The following SLC39A9 variants were observed in gnomAD, a reference collection of about 807,000 sequenced individuals.
SLC39A9 encodes the protein solute carrier family 39 member 9.
Under a neutral mutation model 28.4 loss-of-function variants are expected in SLC39A9, and 14 were observed. That is an observed-to-expected ratio of 0.49 (90% CI 0.33 to 0.77). The LOEUF is 0.77. Ranked by LOEUF, SLC39A9 falls within the 30% of genes least tolerant of loss-of-function variation. The probability of loss-of-function intolerance (pLI) is 0.02; values close to 1 mark genes in which losing one functional copy is unlikely to be tolerated. For missense variants in SLC39A9, 283 were observed against 381.1 expected (o/e 0.74, Z 2.14); for synonymous variants, 119 against 149.6 (o/e 0.80, Z 1.49).
rs2139469242 is a variant in SLC39A9 at position 69,461,877 on chromosome 14, G to A, written c.*3284G>A. 3 of 807,100 alleles carry A rather than the reference G, an allele frequency of 3.7e-6. No individual in the cohort carries two copies. The East Asian group carries it at 8.1e-5, about 22-fold the overall frequency. The allele number at this position is 807,100 out of a possible 1,614,324, so 50.0% of individuals were successfully genotyped here. A position where few individuals can be genotyped will look rare whatever the true frequency, so the allele number is the denominator to read the frequency against. On this transcript the variant is annotated 3_prime_UTR_variant, in exon 7 of 7. Coordinates refer to ENST00000336643, the MANE Select transcript of SLC39A9 (RefSeq NM_018375.5). The stretch of plus-strand genomic sequence containing the variant: ...ATCATGACCAGATTCATCCAGAACT[G>A]CTGCAGTGTTAAGTGAAAATCCTCT...
rs1288034790 is a variant in SLC39A9 at position 69,459,280 on chromosome 14, G to A, written c.*687G>A. Reference sequence around the variant, plus strand: ...CCAGCCTGCCATTCCATCAAATGGAGCAGGAGAGGTGGGAGGAGCTTCTAA... The same window carrying A: ...CCAGCCTGCCATTCCATCAAATGGAACAGGAGAGGTGGGAGGAGCTTCTAA... On this transcript the variant is annotated 3_prime_UTR_variant, in exon 7 of 7. Transcript: ENST00000336643. The A allele has an allele frequency of 6.1e-6, 6 of 985,354 alleles. No homozygotes were observed. In the Admixed American group the frequency reaches 1.8e-4, roughly 30 times the overall value. The allele number at this position is 985,354 out of a possible 1,614,324, so 61.0% of individuals were successfully genotyped here. A position where few individuals can be genotyped will look rare whatever the true frequency, so the allele number is the denominator to read the frequency against.
intron 2 of SLC39A9, among the ~76,000 whole-genome samples, chr14:69,433,965 A>C (rs760988024): frequency 1.3e-5 from 2 of 151,958 alleles, no homozygotes; most frequent in Non-Finnish European, 2.9e-5. Context: ...TTGTATTTTT[A>C]GTAGAGACGG....
chr14:69,445,440 A>G (rs564891499), intron 3 of SLC39A9, among the ~76,000 whole-genome samples: 1 of 152,338 alleles, frequency 6.6e-6, no homozygotes, highest in Non-Finnish European at 1.5e-5. Flanking sequence ...TACCTAGCTT[A>G]CTTTTTTGTA....
At chr14:69,440,080 G>A (rs1208354909) in intron 2 of SLC39A9, among the ~76,000 whole-genome samples, 2 of 152,112 alleles carry the variant, frequency 1.3e-5, no homozygotes, top group Admixed American at 6.5e-5. Flanking sequence ...ACAAGGCCGC[G>A]GGAAGGAGAA....
chr14:69,447,261 C>T (rs1252461304), intron 3 of SLC39A9, among the ~76,000 whole-genome samples: 2 of 152,152 alleles, frequency 1.3e-5, no homozygotes, highest in African/African-American at 4.8e-5. Context: ...GATCAGCCTC[C>T]TTACAGGTAA....
At chr14:69,434,532 TGAAAAATTAGGTGGGCGCAGTGACTACA>T (rs1314228112) in intron 2 of SLC39A9, among the ~76,000 whole-genome samples, 3 of 152,078 alleles carry the variant, frequency 2.0e-5, no homozygotes, top group Admixed American at 6.5e-5. Flanking sequence ...CAAAAAAATT[TGAAAAATTAGGTGGGCGCAGTGACTACA>T]GAAAAATTAG....
chr14:69,459,338 C>G lies in SLC39A9; in HGVS notation c.*745C>G. The G allele has an allele frequency of 2.6e-5, 26 of 985,434 alleles. No homozygotes were observed. Among genetic ancestry groups the G allele is most frequent in the Non-Finnish European group, 3.0e-5 (25 of 829,934 alleles). 61.0% of individuals were successfully genotyped at this position (985,434 alleles called of 1,614,324 possible). A position where few individuals can be genotyped will look rare whatever the true frequency, so the allele number is the denominator to read the frequency against. On this transcript the variant is annotated 3_prime_UTR_variant, in exon 7 of 7. Coordinates refer to ENST00000336643, the MANE Select transcript of SLC39A9 (RefSeq NM_018375.5). ...ACTGGTATTTTGTAGCATTCCTTGT[C>G]AAGTTCTCCTTTGCAGAATACCTGT...
intron 2 of SLC39A9, among the ~76,000 whole-genome samples, chr14:69,429,707 G>A (rs1884392120): frequency 6.6e-6 from 1 of 152,176 alleles, no homozygotes; most frequent in African/African-American, 2.4e-5. Flanking sequence ...ATCAGAGCAA[G>A]ACAAAAGAAT....
intron 1 of SLC39A9, among the ~76,000 whole-genome samples, chr14:69,412,340 G>A (rs1283572765): frequency 6.6e-6 from 1 of 151,476 alleles, no homozygotes. Flanking sequence ...AGTGAGCCAA[G>A]ATCACGCCAC....
upstream of SLC39A9, chr14:69,398,473 T>G: frequency 3.3e-6 from 2 of 599,914 alleles, no homozygotes; most frequent in Non-Finnish European, 5.9e-6. Context: ...TTCCAAGCTT[T>G]AGGAAGAATT....
rs1355702990 is a variant in SLC39A9 at position 69,399,158 on chromosome 14, C to T, written c.-212C>T. 1.6e-5 allele frequency: 9 copies of T among 547,294 alleles called. No individual in the cohort carries two copies. Among genetic ancestry groups the T allele is most frequent in the Admixed American group, 7.5e-5 (2 of 26,738 alleles). 33.9% of individuals were successfully genotyped at this position (547,294 alleles called of 1,614,324 possible). ...GCCTGGGACCTTAGATTGCTGTAAG[C>T]TTTCTCTGGTGCTAATATCAGCAAA... On this transcript the variant is annotated 5_prime_UTR_variant, in exon 1 of 7. Coordinates refer to ENST00000336643, the MANE Select transcript of SLC39A9 (RefSeq NM_018375.5).
In SLC39A9 at chr14:69,421,978, C is replaced by T. The variant is rs184939552; in HGVS notation, c.97-2116C>T. ...CGCTTCCCTGGGTGAGGTGTCACCC[C>T]GCCCTGCTTCAGCTCACCCTCCCTG... On this transcript the variant is annotated intron_variant, in intron 1 of 6. Coordinates refer to ENST00000336643, the MANE Select transcript of SLC39A9 (RefSeq NM_018375.5). Among the ~76,000 whole-genome samples, 18 of 152,292 alleles carry T rather than the reference C, an allele frequency of 1.2e-4. No individual in the cohort carries two copies. The East Asian group carries it at 2.7e-3, about 23-fold the overall frequency.
At chr14:69,415,270 C>G (rs1436021993) in intron 1 of SLC39A9, among the ~76,000 whole-genome samples, 3 of 152,156 alleles carry the variant, frequency 2.0e-5, no homozygotes, top group African/African-American at 2.4e-5. Flanking sequence ...TCCAGTTGCT[C>G]TATATCTTGT....
chr14:69,435,830 G>C (rs542712194), intron 2 of SLC39A9, among the ~76,000 whole-genome samples: 1 of 151,858 alleles, frequency 6.6e-6, no homozygotes, highest in Non-Finnish European at 1.5e-5. Context: ...GTGCCACCAC[G>C]CCTGGCTTAT....
intron 1 of SLC39A9, among the ~76,000 whole-genome samples, chr14:69,405,764 A>G (rs1882879984): frequency 6.6e-6 from 1 of 152,194 alleles, no homozygotes; most frequent in Non-Finnish European, 1.5e-5. Context: ...ATGATTCAAT[A>G]TTATTTTCCT....
At chr14:69,402,755 A>G (rs1034566469) in intron 1 of SLC39A9, among the ~76,000 whole-genome samples, 1 of 152,246 alleles carries the variant, frequency 6.6e-6, no homozygotes, top group Non-Finnish European at 1.5e-5. Context: ...AAATTTTTTC[A>G]GTATACAGGA....
intron 1 of SLC39A9, among the ~76,000 whole-genome samples, chr14:69,414,669 A>T (rs375185485): frequency 4.6e-5 from 7 of 152,208 alleles, no homozygotes; most frequent in African/African-American, 1.7e-4. Context: ...AAAGGTACAG[A>T]TCTTAATATA....
intron 3 of SLC39A9, among the ~76,000 whole-genome samples, chr14:69,444,019 C>G (rs955910320): frequency 6.6e-6 from 1 of 151,396 alleles, no homozygotes; most frequent in African/African-American, 2.4e-5. Flanking sequence ...GACCCCATCT[C>G]TACGAAAAAA....
At chr14:69,444,534 T>A (rs754707912) in intron 3 of SLC39A9, among the ~76,000 whole-genome samples, 1 of 152,142 alleles carries the variant, frequency 6.6e-6, no homozygotes, top group Non-Finnish European at 1.5e-5. Flanking sequence ...TGTGATAGAA[T>A]AGGCACTCAT....
Sources: allele counts gnomAD v4.1 joint callset (sites outside exome capture counted in the v4.1 genomes callset), GRCh38; gene constraint gnomAD v4.1.1; transcripts MANE v1.5; gene names NCBI Gene and HGNC (gene_info 2026-07-23, HGNC 2026-07-21).